KYNU: variants seen among roughly 807,000 people sequenced by gnomAD.
KYNU encodes kynureninase.
KYNU carries 54 observed loss-of-function variants against 59.2 expected under a neutral mutation model. That is an observed-to-expected ratio of 0.91 (90% confidence interval 0.73 to 1.14). KYNU has a LOEUF of 1.14. Among genes scored for constraint, KYNU ranks in the 50% most tolerant of loss-of-function variants. KYNU has a pLI of 0.00. For synonymous variants in KYNU, 177 were observed against 192.0 expected, an observed-to-expected ratio of 0.92 and a Z score of 0.65; for missense variants, 567 against 554.4, an observed-to-expected ratio of 1.02 and a Z score of -0.23.
intron 10 of KYNU, among the ~76,000 whole-genome samples, chr2:143,017,076 C>T (rs141796706): frequency 7.3e-4 from 111 of 152,238 alleles, no homozygotes; most frequent in South Asian, 1.9e-3. Flanking sequence ...GAAAAGGACA[C>T]GCTTTCATTC....
intron 10 of KYNU, among the ~76,000 whole-genome samples, chr2:143,022,268 T>C (rs1686432160): frequency 6.6e-6 from 1 of 152,138 alleles, no homozygotes; most frequent in Non-Finnish European, 1.5e-5. Flanking sequence ...TAAATGTCTT[T>C]ACAGGGTTTA....
chr2:143,010,551 G>GA (rs1430239512), intron 10 of KYNU, among the ~76,000 whole-genome samples: 1 of 134,162 alleles, frequency 7.5e-6, no homozygotes, highest in Non-Finnish European at 1.6e-5. Flanking sequence ...CACAGAATTG[G>GA]AAAAAACTAC....
At chr2:143,008,365 A>G (rs2105197556) in intron 10 of KYNU, among the ~76,000 whole-genome samples, 1 of 98,590 alleles carries the variant, frequency 1.0e-5, no homozygotes, top group Middle Eastern at 4.1e-3. Flanking sequence ...TAACTATCCT[A>G]AATATATATG....
rs1032476416 is a variant in KYNU at position 143,042,076 on chromosome 2, A to G, written c.1302A>G (p.Arg434=). 6 of 1,611,632 alleles carry G rather than the reference A, an allele frequency of 3.7e-6. No individual in the cohort carries two copies. The highest frequency in any genetic ancestry group is 3.4e-6 in the Non-Finnish European group (4 of 1,178,460). Reference sequence around the variant, plus strand: ...ACAAGCGGAATCCAAATGGCATTCGAGTGGCTCCAGTTCCTCTCTATAATT... The same window carrying G: ...ACAAGCGGAATCCAAATGGCATTCGGGTGGCTCCAGTTCCTCTCTATAATT... ...VCDKRNPNGI[R]VAPVPLYNSF... Residue 434 remains arginine, a synonymous_variant, in exon 14 of 14, where the codon CGA becomes CGG. Transcript: ENST00000264170.
intron 8 of KYNU, among the ~76,000 whole-genome samples, chr2:142,973,240 G>A (rs1304863646): frequency 6.6e-6 from 1 of 151,854 alleles, no homozygotes. Context: ...TGTCTCTGTA[G>A]TCTACGTAAT....
Position 143,000,344 on chromosome 2 carries a change from T to C in KYNU, c.902+14323T>C, listed in dbSNP as rs1348692394. Among the ~76,000 whole-genome samples, 4 of 152,154 alleles carry C rather than the reference T, an allele frequency of 2.6e-5. No individual in the cohort carries two copies. The South Asian group carries it at 8.3e-4, about 31-fold the overall frequency. ...ATTGTATTATTTTCCACATCCAGAG[T>C]ACTCTGACTCCCTTTACTACTCATT... On this transcript the variant is annotated intron_variant, in intron 10 of 13. Transcript: ENST00000264170.
At chr2:142,992,355 A>G (rs1198256580) in intron 10 of KYNU, among the ~76,000 whole-genome samples, 1 of 151,796 alleles carries the variant, frequency 6.6e-6, no homozygotes, top group African/African-American at 2.4e-5. Context: ...AAGGGATGAT[A>G]TTTTGCTACC....
Position 143,028,243 on chromosome 2 carries a change from C to CTTTTTT in KYNU, c.903-1369_903-1364dup, listed in dbSNP as rs754504556. Among the ~76,000 whole-genome samples, 331 of 90,428 alleles carry CTTTTTT rather than the reference C, an allele frequency of 3.7e-3. 2 individuals carry two copies. Among genetic ancestry groups the CTTTTTT allele is most frequent in the Middle Eastern group, 0.016 (1 of 64 alleles). The allele number at this position is 90,428 out of a possible 152,430, so 59.3% of individuals were successfully genotyped here. ...TTTTATGTCTGGCTTATTTTACATT[C>CTTTTTT]TTTTTTTTTTTTTTTTTTTTGAGAT... is the stretch of plus-strand genomic sequence containing the variant. On this transcript the variant is annotated intron_variant, in intron 10 of 13. Transcript: ENST00000264170.
chr2:142,923,273 C>A (rs1207462152), intron 3 of KYNU, among the ~76,000 whole-genome samples: 1 of 152,122 alleles, frequency 6.6e-6, no homozygotes, highest in East Asian at 1.9e-4. Context: ...TTTTAAAATT[C>A]TATTACCATT....
rs186670372 is a variant in KYNU, at chr2:143,026,809, G to A, written c.903-2818G>A. ...GTGGGGCCTCTGACTTTTCACATGA[G>A]GCGGCTGCCTTCCACCAGCCAGGGT... is the stretch of plus-strand genomic sequence containing the variant. On this transcript the variant is annotated intron_variant, in intron 10 of 13. Transcript: ENST00000264170. 8.5e-5 allele frequency among the ~76,000 whole-genome samples: 13 copies of A among 152,336 alleles called. 1 individual carries two copies. Among genetic ancestry groups the A allele is most frequent in the African/African-American group, 3.1e-4 (13 of 41,588 alleles).
intron 1 of KYNU, among the ~76,000 whole-genome samples, chr2:142,884,688 C>CTTTTTT (rs70997529): frequency 3.4e-3 from 259 of 77,004 alleles, no homozygotes; most frequent in South Asian, 4.7e-3. Flanking sequence ...TTCTCTTTTC[C>CTTTTTT]TTTTTTTTTT....
intron 7 of KYNU, chr2:142,957,931 G>A: frequency 2.0e-6 from 1 of 489,636 alleles, no homozygotes; most frequent in Non-Finnish European, 3.7e-6. Flanking sequence ...TAGCCATATG[G>A]CAAGCAAACT....
intron 10 of KYNU, among the ~76,000 whole-genome samples, chr2:143,020,098 T>C (rs963451827): frequency 6.6e-6 from 1 of 152,056 alleles, no homozygotes; most frequent in African/African-American, 2.4e-5. Flanking sequence ...ATCTTTTATA[T>C]TTGTTTTATT....
At chr2:142,883,087 T>A (rs1274117999) in intron 1 of KYNU, among the ~76,000 whole-genome samples, 1 of 152,192 alleles carries the variant, frequency 6.6e-6, no homozygotes, top group Non-Finnish European at 1.5e-5. Flanking sequence ...GGTTTTTATT[T>A]AATGTAAATT....
intron 2 of KYNU, among the ~76,000 whole-genome samples, chr2:142,894,952 T>C (rs1490918533): frequency 6.6e-6 from 1 of 152,050 alleles, no homozygotes; most frequent in Admixed American, 6.6e-5. Context: ...ACACACCTTT[T>C]TCTGTTCATA....
rs1465769428 is a variant in KYNU, at chr2:142,957,661, A to G, written c.528A>G (p.Leu176=). 6.2e-7 allele frequency: 1 copy of G among 1,605,842 alleles called. No homozygotes were observed. Among genetic ancestry groups the G allele is most frequent in the Non-Finnish European group, 8.5e-7 (1 of 1,172,824 alleles). Residue 176 remains leucine (L), a synonymous_variant, in exon 7 of 14, where the codon CTA becomes CTG. Transcript: ENST00000264170. ...TTTAGTATGCTATTGAGTCACAACT[A>G]CAACTTCACGGACTTAACATTGAAG... The part of the protein sequence containing the change: ...PSDHYAIESQ[L]QLHGLNIEES...
In KYNU at chr2:143,052,930, T is replaced by G. The variant is rs12478430; in HGVS notation, c.*10758T>G. 23,994 of 152,384 alleles carry G rather than the reference T, an allele frequency of 0.16. 1,975 individuals carry two copies. Among genetic ancestry groups the G allele is most frequent in the East Asian group, 0.27 (1,388 of 5,156 alleles). The allele number at this position is 152,384 out of a possible 1,614,324, so 9.4% of individuals were successfully genotyped here. The stretch of plus-strand genomic sequence containing the variant: ...CGCACCTGGAAAAGCTGCAGACAAT[T>G]CCAGCCTGTTAAAGCAGCCAGGAGG... On this transcript the variant is annotated 3_prime_UTR_variant, in exon 14 of 14. Coordinates refer to ENST00000264170, the MANE Select transcript of KYNU (RefSeq NM_003937.3).
At chr2:142,884,688 C>CTTTTTTTTTTTTTTTTTTT (rs70997529) in intron 1 of KYNU, among the ~76,000 whole-genome samples, 109 of 77,070 alleles carry the variant, frequency 1.4e-3, no homozygotes, top group Middle Eastern at 9.8e-3. Flanking sequence ...TTCTCTTTTC[C>CTTTTTTTTTTTTTTTTTTT]TTTTTTTTTT....
intron 3 of KYNU, among the ~76,000 whole-genome samples, chr2:142,919,778 A>G (rs951077600): frequency 6.6e-6 from 1 of 152,188 alleles, no homozygotes; most frequent in Non-Finnish European, 1.5e-5. Flanking sequence ...TACTAAAAAA[A>G]TACAAAAATT....
Sources: allele counts gnomAD v4.1 joint callset (sites outside exome capture counted in the v4.1 genomes callset), GRCh38; gene constraint gnomAD v4.1.1; transcripts MANE v1.5; gene names NCBI Gene and HGNC (gene_info 2026-07-23, HGNC 2026-07-21).